COMMD1: variants seen among roughly 807,000 people sequenced by gnomAD.
COMMD1 encodes the protein COMM domain-containing protein 1.
In COMMD1, 10 loss-of-function variants were observed where a neutral mutation model predicts 17.2. The ratio of observed to expected loss-of-function variants is 0.58; its 90% confidence interval spans 0.36 to 0.99. The LOEUF (loss-of-function observed/expected upper bound fraction) is 0.99. COMMD1 is among the 50% of genes least tolerant of loss of function. COMMD1 has a pLI of 0.01. For missense variants in COMMD1, 270 were observed against 231.8 expected, an observed-to-expected ratio of 1.17 and a Z score of -1.07; for synonymous variants, 97 against 91.6, an observed-to-expected ratio of 1.06 and a Z score of -0.34.
intron 2 of COMMD1, among the ~76,000 whole-genome samples, chr2:62,064,330 C>T (rs1251751507): frequency 1.3e-5 from 2 of 151,972 alleles, no homozygotes; most frequent in Non-Finnish European, 2.9e-5. Context: ...TGTGCCACAA[C>T]GCCTGGCTAA....
chr2:61,996,728 CAT>C (rs1668765618), intron 1 of COMMD1, among the ~76,000 whole-genome samples: 1 of 152,174 alleles, frequency 6.6e-6, no homozygotes, highest in South Asian at 2.1e-4. Context: ...ACTTCTTATC[CAT>C]TCAAGTTTGA....
intron 2 of COMMD1, among the ~76,000 whole-genome samples, chr2:62,074,891 T>G (rs1427036126): frequency 2.0e-5 from 3 of 148,740 alleles, no homozygotes; most frequent in East Asian, 1.9e-4. Context: ...TGGTTTTTTT[T>G]TTTTTTTTTT....
intron 2 of COMMD1, among the ~76,000 whole-genome samples, chr2:62,097,247 G>A (rs1672038122): frequency 6.6e-6 from 1 of 152,206 alleles, no homozygotes; most frequent in Non-Finnish European, 1.5e-5. Context: ...CCAAGGGCTG[G>A]TGCAGGGTAT....
At chr2:62,002,491 G>GAAAAAAAAAAAAAAAAAAAAAA (rs11310507) in intron 2 of COMMD1, among the ~76,000 whole-genome samples, 4 of 35,074 alleles carry the variant, frequency 1.1e-4, no homozygotes, top group Non-Finnish European at 1.5e-4. Flanking sequence ...GATTCCACCA[G>GAAAAAAAAAAAAAAAAAAAAAA]AAAAAAAAAA....
intron 2 of COMMD1, among the ~76,000 whole-genome samples, chr2:62,021,915 T>C (rs1047533433): frequency 1.1e-4 from 16 of 152,240 alleles, no homozygotes; most frequent in Admixed American, 7.9e-4. Context: ...ACTTGATTTG[T>C]GTTTTCTTCT....
chr2:61,954,518 G>A (rs1671142554), intron 1 of COMMD1, among the ~76,000 whole-genome samples: 1 of 152,196 alleles, frequency 6.6e-6, no homozygotes, highest in Non-Finnish European at 1.5e-5. Flanking sequence ...CTTTGTGTGA[G>A]AAAGGTAAGA....
At chr2:62,067,663 A>C (rs1573141824) in intron 2 of COMMD1, among the ~76,000 whole-genome samples, 2 of 152,204 alleles carry the variant, frequency 1.3e-5, no homozygotes, top group South Asian at 4.1e-4. Context: ...TGATTGGACA[A>C]AAGTAGGGAT....
At chr2:61,920,102 G>A (rs1670149771) in intron 1 of COMMD1, among the ~76,000 whole-genome samples, 1 of 152,182 alleles carries the variant, frequency 6.6e-6, no homozygotes. Context: ...ATCTAGTACA[G>A]CTAGTGCAGT....
At chr2:62,113,982 C>CA (rs1672523514) in intron 2 of COMMD1, among the ~76,000 whole-genome samples, 1 of 152,160 alleles carries the variant, frequency 6.6e-6, no homozygotes, top group Non-Finnish European at 1.5e-5. Flanking sequence ...TATGAGGATA[C>CA]AATTTTCCGT....
intron 2 of COMMD1, among the ~76,000 whole-genome samples, chr2:62,095,543 A>C (rs867629994): frequency 4.6e-4 from 70 of 152,028 alleles, no homozygotes; most frequent in African/African-American, 1.5e-3. Context: ...AGCAACCTAT[A>C]TGTACATCAG....
At chr2:62,135,676 A>G (rs533920563) in intron 2 of COMMD1, among the ~76,000 whole-genome samples, 155 bp from the exon 3 acceptor site, 1 of 152,290 alleles carries the variant, frequency 6.6e-6, no homozygotes, top group Admixed American at 6.5e-5. Flanking sequence ...TTAGGGCATT[A>G]TGTGGATATG....
At chr2:61,917,000 G>T (rs1362941522) in intron 1 of COMMD1, among the ~76,000 whole-genome samples, 1 of 152,132 alleles carries the variant, frequency 6.6e-6, no homozygotes, top group East Asian at 1.9e-4. Flanking sequence ...ATTTGATCCT[G>T]CTTGCTAAAT....
chr2:61,914,250 C>T (rs1224124944), intron 1 of COMMD1, among the ~76,000 whole-genome samples: 2 of 152,024 alleles, frequency 1.3e-5, no homozygotes, highest in Non-Finnish European at 2.9e-5. Context: ...TAAATATCTA[C>T]AAATTGGAAA....
intron 1 of COMMD1, among the ~76,000 whole-genome samples, chr2:61,935,962 G>T (rs972236518): frequency 1.3e-5 from 2 of 151,962 alleles, no homozygotes; most frequent in Non-Finnish European, 2.9e-5. Context: ...GATTACAGGT[G>T]CATGCCACCA....
chr2:62,003,248 CAAA>C (rs1433527620), intron 2 of COMMD1, among the ~76,000 whole-genome samples: 1 of 136,564 alleles, frequency 7.3e-6, no homozygotes, highest in African/African-American at 2.9e-5. Context: ...AAAAACAAAA[CAAA>C]ACAAAACAGG....
chr2:62,053,357 A>G (rs1203499292), intron 2 of COMMD1, among the ~76,000 whole-genome samples: 1 of 152,098 alleles, frequency 6.6e-6, no homozygotes, highest in Non-Finnish European at 1.5e-5. Context: ...TTTAGTGTCA[A>G]ATTTTTATTA....
intron 2 of COMMD1, among the ~76,000 whole-genome samples, chr2:62,089,049 GA>G (rs1671750693): frequency 6.6e-6 from 1 of 152,154 alleles, no homozygotes; most frequent in Non-Finnish European, 1.5e-5. Context: ...TTCAGGTTAA[GA>G]TAAAAGATTG....
chr2:61,968,350 G>T (rs1480647131), intron 1 of COMMD1, among the ~76,000 whole-genome samples: 1 of 152,112 alleles, frequency 6.6e-6, no homozygotes, highest in Non-Finnish European at 1.5e-5. Flanking sequence ...TTACTTGGGG[G>T]CACATGCAGC....
intron 1 of COMMD1, among the ~76,000 whole-genome samples, chr2:61,974,405 G>A (rs1282738898): frequency 6.6e-6 from 1 of 151,884 alleles, no homozygotes; most frequent in East Asian, 1.9e-4. Context: ...CGGGCTCGGT[G>A]GCTCACGCCT....
Sources: allele counts gnomAD v4.1 joint callset (sites outside exome capture counted in the v4.1 genomes callset), GRCh38; gene constraint gnomAD v4.1.1; transcripts MANE v1.5; gene names NCBI Gene and HGNC (gene_info 2026-07-23, HGNC 2026-07-21).